The following ESRRB variants were observed in gnomAD, a reference collection of about 807,000 sequenced individuals.
ESRRB encodes steroid hormone receptor ERR2.
Under a neutral mutation model 46.0 loss-of-function variants are expected in ESRRB, and 16 were observed. The observed-to-expected ratio is 0.35, with a 90% CI of 0.24 to 0.53. The LOEUF is 0.53. Among genes scored for constraint, ESRRB ranks in the 20% least tolerant of loss-of-function variants. The pLI, the probability that ESRRB is intolerant of heterozygous loss-of-function variation, is 0.93. For synonymous variants in ESRRB, 246 were observed against 259.6 expected (o/e 0.95, Z 0.50); for missense variants, 488 against 607.4 (o/e 0.80, Z 2.07).
intron 1 of ESRRB, among the ~76,000 whole-genome samples, chr14:76,394,918 G>A (rs575045166): frequency 6.6e-6 from 1 of 152,316 alleles, no homozygotes; most frequent in Admixed American, 6.5e-5. Context: ...AAAATTAAAA[G>A]ATAAAAATAA....
intron 1 of ESRRB, among the ~76,000 whole-genome samples, chr14:76,313,958 T>C (rs1883768488): frequency 6.6e-6 from 1 of 152,178 alleles, no homozygotes; most frequent in Non-Finnish European, 1.5e-5. Flanking sequence ...GAGGGCTTTT[T>C]TGTTAATGGC....
chr14:76,470,846 T>C (rs571837797), intron 3 of ESRRB, among the ~76,000 whole-genome samples: 4 of 152,228 alleles, frequency 2.6e-5, no homozygotes, highest in African/African-American at 9.6e-5. Context: ...TGCCAACATG[T>C]GGGGCTAATT....
intron 1 of ESRRB, among the ~76,000 whole-genome samples, chr14:76,319,131 G>A (rs192583263): frequency 1.3e-5 from 2 of 152,304 alleles, no homozygotes; most frequent in Non-Finnish European, 2.9e-5. Context: ...AGATGTGAAG[G>A]TGGGATGCCA....
intron 1 of ESRRB, among the ~76,000 whole-genome samples, chr14:76,337,262 T>A (rs7156820): frequency 0.11 from 16,952 of 152,162 alleles, 1,165 homozygotes; most frequent in African/African-American, 0.18. Context: ...GGCTGAGGCA[T>A]CCTGTCCCAT....
At position 76,499,243 on chromosome 14, in the gene ESRRB, C is replaced by T; in HGVS notation, c.*785C>T. The T allele has an allele frequency of 3.9e-6, 1 of 257,128 alleles. No homozygotes were observed. The highest frequency in any genetic ancestry group is 7.6e-6 in the Non-Finnish European group (1 of 131,104). 15.9% of individuals were successfully genotyped at this position (257,128 alleles called of 1,614,324 possible). On this transcript the variant is annotated 3_prime_UTR_variant, in exon 7 of 7. Coordinates refer to ENST00000644823, the MANE Select transcript of ESRRB (RefSeq NM_001379180.1). ...CCACAGCGACTCCAGGGGCTGTAGACAGGAACGCGCTGGCACAGAGAAGAG... is the reference window on the plus strand; with the variant it reads ...CCACAGCGACTCCAGGGGCTGTAGATAGGAACGCGCTGGCACAGAGAAGAG...
At chr14:76,446,499 T>C (rs1030770954) in intron 2 of ESRRB, among the ~76,000 whole-genome samples, 2 of 151,806 alleles carry the variant, frequency 1.3e-5, no homozygotes, top group Non-Finnish European at 2.9e-5. Flanking sequence ...TCAGAAGAGA[T>C]AGACCTCAAC....
intron 3 of ESRRB, 23 bp from the exon 4 acceptor site, chr14:76,481,993 C>A (rs1243135483): frequency 6.2e-7 from 1 of 1,607,290 alleles, no homozygotes; most frequent in Non-Finnish European, 8.5e-7. Context: ...CTGCTGAGAT[C>A]TTTTCCCTTT....
intron 1 of ESRRB, among the ~76,000 whole-genome samples, chr14:76,408,271 G>T (rs1886276392): frequency 1.3e-5 from 2 of 152,120 alleles, no homozygotes; most frequent in Admixed American, 6.5e-5. Flanking sequence ...TGTCCTTAAA[G>T]AACTTAACTG....
intron 1 of ESRRB, among the ~76,000 whole-genome samples, chr14:76,418,235 G>A (rs545118167): frequency 1.1e-4 from 16 of 152,076 alleles, no homozygotes; most frequent in Non-Finnish European, 2.2e-4. Context: ...GATTACAGGC[G>A]TGAGCCACTG....
rs905734089 is a variant in ESRRB at position 76,482,882 on chromosome 14, G to A, written c.850+123G>A. The A allele has an allele frequency of 4.3e-5, 51 of 1,184,802 alleles. No homozygotes were observed. The highest frequency in any genetic ancestry group is 4.9e-5 in the Non-Finnish European group (40 of 810,514). The allele number at this position is 1,184,802 out of a possible 1,614,324, so 73.4% of individuals were successfully genotyped here. On this transcript the variant is annotated intron_variant, in intron 5 of 6. Coordinates refer to ENST00000644823, the MANE Select transcript of ESRRB (RefSeq NM_001379180.1). This position sits in a 1 kb window ranked among gnomAD's most constrained non-coding sequence, Gnocchi z 4.3. The stretch of plus-strand genomic sequence containing the variant: ...ACCCCAGAAGGCCTGTGAAATCCTG[G>A]CAGGCCTGTTTCTCTGAGCTCCTCT...
chr14:76,403,878 C>T (rs1337713636), intron 1 of ESRRB, among the ~76,000 whole-genome samples: 1 of 152,140 alleles, frequency 6.6e-6, no homozygotes, highest in Non-Finnish European at 1.5e-5. Context: ...TCCACCACGC[C>T]CGGCTAATTT....
chr14:76,332,629 A>AT (rs1350017706), intron 1 of ESRRB, among the ~76,000 whole-genome samples: 2 of 42,078 alleles, frequency 4.8e-5, no homozygotes, highest in African/African-American at 2.3e-4. Flanking sequence ...ATAAATATAT[A>AT]TTATATATAT....
upstream of ESRRB, among the ~76,000 whole-genome samples, chr14:76,374,299 C>A (rs545515558): frequency 1.3e-5 from 2 of 152,280 alleles, no homozygotes; most frequent in Admixed American, 6.5e-5. Flanking sequence ...CATGCCAGTA[C>A]ACAGACAATT....
chr14:76,361,972 A>T (rs565191874), intron 1 of ESRRB, among the ~76,000 whole-genome samples: 1 of 152,328 alleles, frequency 6.6e-6, no homozygotes, highest in Non-Finnish European at 1.5e-5. Context: ...TGTCACAGTA[A>T]CAAGGTCAGC....
intron 1 of ESRRB, among the ~76,000 whole-genome samples, chr14:76,330,631 T>C (rs1310125822): frequency 6.6e-6 from 1 of 151,986 alleles, no homozygotes; most frequent in Non-Finnish European, 1.5e-5. Flanking sequence ...GGATCGAGGA[T>C]CGTGGTGGCT....
chr14:76,328,969 G>C (rs1289764412), intron 1 of ESRRB, among the ~76,000 whole-genome samples: 1 of 152,192 alleles, frequency 6.6e-6, no homozygotes, highest in Admixed American at 6.5e-5. Context: ...ATACGGTTTT[G>C]TGGAGTCCAG....
chr14:76,358,333 AAGAAAGAAAGAAAGAAAG>A (rs1884415601), intron 1 of ESRRB, among the ~76,000 whole-genome samples: 2 of 16,710 alleles, frequency 1.2e-4, no homozygotes, highest in African/African-American at 7.2e-4. Flanking sequence ...AAAAGAAAGA[AAGAAAGAAAGAAAGAAAG>A]AAAGAAAGAA....
Position 76,500,682 on chromosome 14 carries a change from C to G in ESRRB, c.*2224C>G. 1 of 1,613,828 alleles carries G rather than the reference C, an allele frequency of 6.2e-7. No individual in the cohort carries two copies. The highest frequency in any genetic ancestry group is 8.5e-7 in the Non-Finnish European group (1 of 1,179,826). ...ATCATGCCCAGCTGGCATCTGCTGTCTGTCTTTTCTAGGGAAAGCATCTCT... is the reference window on the plus strand; with the variant it reads ...ATCATGCCCAGCTGGCATCTGCTGTGTGTCTTTTCTAGGGAAAGCATCTCT... On this transcript the variant is annotated 3_prime_UTR_variant, in exon 7 of 7. Transcript: ENST00000644823.
At chr14:76,449,952 GTCTC>G (rs1283746681) in intron 2 of ESRRB, among the ~76,000 whole-genome samples, 1 of 152,078 alleles carries the variant, frequency 6.6e-6, no homozygotes, top group Non-Finnish European at 1.5e-5. Flanking sequence ...GTAAAGCGGA[GTCTC>G]TCTATGTTGC....
Sources: gnomAD v4.1 joint callset for allele counts (sites outside exome capture counted in the v4.1 genomes callset) on GRCh38, gnomAD v4.1.1 for gene constraint, Gnocchi (gnomAD v3.1) non-coding constraint, MANE v1.5 for transcripts, NCBI Gene and HGNC (gene_info 2026-07-23, HGNC 2026-07-21) for gene names.